AATF: variants seen among roughly 807,000 people sequenced by gnomAD.
AATF encodes protein AATF.
Under a neutral mutation model 63.7 loss-of-function variants are expected in AATF, and 48 were observed. That is an observed-to-expected ratio of 0.75 (90% CI 0.60 to 0.96). The LOEUF is 0.96. AATF is among the 40% of genes least tolerant of loss of function. The pLI, the probability that AATF is intolerant of heterozygous loss-of-function variation, is 0.00. For synonymous variants in AATF, 258 were observed against 247.7 expected (o/e 1.04, Z -0.39); for missense variants, 639 against 685.7 (o/e 0.93, Z 0.76).
intron 8 of AATF, among the ~76,000 whole-genome samples, chr17:37,004,309 C>A (rs2071325136): frequency 6.6e-6 from 1 of 151,590 alleles, no homozygotes; most frequent in East Asian, 1.9e-4. Flanking sequence ...CCAGCCTAGG[C>A]AACAAGAGCT....
At chr17:37,011,396 G>A (rs2071389609) in intron 8 of AATF, among the ~76,000 whole-genome samples, 1 of 152,040 alleles carries the variant, frequency 6.6e-6, no homozygotes, top group African/African-American at 2.4e-5. Flanking sequence ...AAAAGTATGG[G>A]GTGAATGAAG....
chr17:36,986,150 G>C (rs981750449), intron 4 of AATF, among the ~76,000 whole-genome samples: 5 of 152,164 alleles, frequency 3.3e-5, no homozygotes, highest in African/African-American at 1.2e-4. Context: ...TTGGTGGTGG[G>C]GATGCCTAGA....
intron 4 of AATF, among the ~76,000 whole-genome samples, chr17:36,957,760 A>C (rs750138474): frequency 6.6e-6 from 1 of 152,088 alleles, no homozygotes. Context: ...TCCTGTCCTC[A>C]GGTTGCGTTT....
chr17:37,005,994 G>C (rs1405426333), intron 8 of AATF, among the ~76,000 whole-genome samples: 2 of 152,018 alleles, frequency 1.3e-5, no homozygotes, highest in Non-Finnish European at 2.9e-5. Flanking sequence ...AAGTAACCAG[G>C]CATGGTGGCT....
intron 11 of AATF, among the ~76,000 whole-genome samples, chr17:37,048,363 CTTTTTTTTT>C (rs60374815): frequency 1.5e-3 from 104 of 70,836 alleles, no homozygotes; most frequent in African/African-American, 5.9e-3. Context: ...TTTTTCTTTT[CTTTTTTTTT>C]TTTTTTTTTT....
rs1382705599 is a variant in AATF, at chr17:36,972,671, A to G, written c.833-13946A>G. Reference sequence around the variant, plus strand: ...GTGTCTGTAAGCTTCTGGAGTAAACATTTTTTTTTTTTTTTCCTAATGCAA... The same window carrying G: ...GTGTCTGTAAGCTTCTGGAGTAAACGTTTTTTTTTTTTTTTCCTAATGCAA... On this transcript the variant is annotated intron_variant, in intron 4 of 11. Coordinates refer to ENST00000619387, the MANE Select transcript of AATF (RefSeq NM_012138.4). Among the ~76,000 whole-genome samples the G allele has an allele frequency of 2.8e-5, 4 of 143,018 alleles. 1 individual carries two copies. The South Asian group carries it at 9.1e-4, about 32-fold the overall frequency. 93.8% of individuals were successfully genotyped at this position (143,018 alleles called of 152,430 possible).
At position 36,949,057 on chromosome 17, in the gene AATF, A is replaced by C; in HGVS notation, c.-69A>C. ...AGGCGAGAGGATCCGGCAGGGAAGGAGCTTCGGGGCCGGGGGTTGGGCCGC... is the reference window on the plus strand; with the variant it reads ...AGGCGAGAGGATCCGGCAGGGAAGGCGCTTCGGGGCCGGGGGTTGGGCCGC... On this transcript the variant is annotated 5_prime_UTR_variant, in exon 1 of 12. Transcript: ENST00000619387. 7.4e-7 allele frequency: 1 copy of C among 1,349,528 alleles called. No homozygotes were observed. Among genetic ancestry groups the C allele is most frequent in the East Asian group, 2.6e-5 (1 of 39,032 alleles). 83.6% of individuals were successfully genotyped at this position (1,349,528 alleles called of 1,614,324 possible).
chr17:36,969,293 G>A (rs975794307), intron 4 of AATF, among the ~76,000 whole-genome samples: 2 of 152,070 alleles, frequency 1.3e-5, no homozygotes, highest in African/African-American at 4.8e-5. Flanking sequence ...GTAGGCTTGG[G>A]GATCTAGGCA....
intron 10 of AATF, among the ~76,000 whole-genome samples, chr17:37,024,836 G>A (rs976092757): frequency 6.6e-6 from 1 of 152,098 alleles, no homozygotes; most frequent in Non-Finnish European, 1.5e-5. Context: ...GCATGTGCCT[G>A]TAGTCCCAGC....
chr17:36,982,667 G>T (rs1045492321), intron 4 of AATF, among the ~76,000 whole-genome samples: 1 of 151,674 alleles, frequency 6.6e-6, no homozygotes, highest in African/African-American at 2.4e-5. Context: ...TTTTTTTGTT[G>T]TTTTTTTTGT....
At chr17:36,957,061 G>A (rs995599280) in intron 4 of AATF, among the ~76,000 whole-genome samples, 1 of 152,152 alleles carries the variant, frequency 6.6e-6, no homozygotes, top group Non-Finnish European at 1.5e-5. Flanking sequence ...TATAGCTGGT[G>A]TGGAACATAG....
intron 8 of AATF, among the ~76,000 whole-genome samples, chr17:36,997,975 T>C (rs1431471109): frequency 1.3e-5 from 2 of 152,284 alleles, no homozygotes; most frequent in African/African-American, 4.8e-5. Flanking sequence ...AACTCAGGAA[T>C]GGAAAACAAA....
intron 10 of AATF, among the ~76,000 whole-genome samples, chr17:37,028,445 C>T (rs974396955): frequency 6.6e-6 from 1 of 151,886 alleles, no homozygotes; most frequent in Non-Finnish European, 1.5e-5. Context: ...AAAAACAAAA[C>T]ATCACCAACA....
Position 37,019,031 on chromosome 17 carries a change from G to A in AATF, c.1425G>A (p.Lys475=), listed in dbSNP as rs1241136793. 6.2e-7 allele frequency: 1 copy of A among 1,614,178 alleles called. No homozygotes were observed. The highest frequency in any genetic ancestry group is 1.7e-5 in the Admixed American group (1 of 60,028). The change falls in exon 9 of 12, where the codon AAG becomes AAA. Residue 475 remains lysine, a synonymous_variant. Transcript: ENST00000619387. ...HQLLRELIER[K]TSSLDPNDQV... ...TCCTTCGAGAACTCATAGAACGGAA[G>A]ACCAGCTCCTTGGATCCCAACGATC... is the stretch of plus-strand genomic sequence containing the variant.
At chr17:36,962,904 C>G (rs1348424533) in intron 4 of AATF, among the ~76,000 whole-genome samples, 4 of 152,102 alleles carry the variant, frequency 2.6e-5, no homozygotes. Context: ...GGCGAATCAC[C>G]TGAGGTCAGG....
At chr17:37,001,748 T>C (rs1329070350) in intron 8 of AATF, among the ~76,000 whole-genome samples, 1 of 152,184 alleles carries the variant, frequency 6.6e-6, no homozygotes, top group Non-Finnish European at 1.5e-5. Context: ...ACTGAATGCT[T>C]TCTCCTGAGA....
intron 8 of AATF, among the ~76,000 whole-genome samples, chr17:37,000,580 T>G (rs2071286655): frequency 6.6e-6 from 1 of 152,182 alleles, no homozygotes; most frequent in South Asian, 2.1e-4. Flanking sequence ...ATATATATTT[T>G]TGGAGTTCAT....
chr17:37,001,633 T>A (rs551457410), intron 8 of AATF, among the ~76,000 whole-genome samples: 159 of 152,240 alleles, frequency 1.0e-3, no homozygotes, highest in Non-Finnish European at 9.1e-4. Context: ...TTTAACATCT[T>A]CTCATGAGAA....
chr17:37,003,471 C>CTTTTTTTT (rs1163393533), intron 8 of AATF, among the ~76,000 whole-genome samples: 9 of 96,636 alleles, frequency 9.3e-5, no homozygotes, highest in African/African-American at 2.4e-4. Context: ...TTGACAAGAA[C>CTTTTTTTT]TTTTTTTTTT....
Sources: gnomAD v4.1 joint callset for allele counts (sites outside exome capture counted in the v4.1 genomes callset) on GRCh38, gnomAD v4.1.1 for gene constraint, MANE v1.5 for transcripts, NCBI Gene and HGNC (gene_info 2026-07-23, HGNC 2026-07-21) for gene names.